SPEG: variants seen among roughly 807,000 people sequenced by gnomAD.
SPEG encodes striated muscle preferentially expressed protein kinase.
Under a neutral mutation model 300.4 loss-of-function variants are expected in SPEG, and 114 were observed. That is an observed-to-expected ratio of 0.38 (90% CI 0.33 to 0.44). SPEG has a LOEUF of 0.44. SPEG is among the 20% of genes least tolerant of loss of function. The pLI, the probability that SPEG is intolerant of heterozygous loss-of-function variation, is 1.00. For synonymous variants in SPEG, 1,964 were observed against 2,018.9 expected (o/e 0.97, Z 0.73); for missense variants, 4,201 against 4,586.2 (o/e 0.92, Z 2.43).
rs1383760930 is a variant in SPEG at position 219,468,715 on chromosome 2, G to A, written c.3280G>A (p.Val1094Ile). ...DCKISGTPPPVVTWTHFGCPM... is the reference protein window; with the variant it reads ...DCKISGTPPPIVTWTHFGCPM... ...CAAGATCAGTGGCACCCCGCCCCCT[G>A]TTGTTACCTGGACTCATTTTGGTAC... Residue 1094 changes from valine (V) to isoleucine (I), a missense_variant, in exon 11 of 41, where the codon GTT becomes ATT. Around this residue, in one of 4 missense-constraint regions of SPEG, gnomAD observed 1,047 missense variants for 1,356.8 expected, o/e 0.77. Coordinates refer to ENST00000312358, the MANE Select transcript of SPEG (RefSeq NM_005876.5). The A allele has an allele frequency of 6.2e-7, 1 of 1,614,116 alleles. No individual in the cohort carries two copies. The highest frequency in any genetic ancestry group is 8.5e-7 in the Non-Finnish European group (1 of 1,179,996).
rs561515444 is a variant in SPEG at position 219,435,155 on chromosome 2, G to T, written c.178G>T (p.Val60Leu). ...KNAAVCAGSD[V>L]RLRVVVSGTP... The stretch of plus-strand genomic sequence containing the variant: ...CGCGGCGGTGTGCGCGGGCAGCGAC[G>T]TGCGGCTGCGGGTGGTGGTGAGCGG... Residue 60 changes from valine to leucine, a missense_variant, in exon 1 of 41, where the codon GTG becomes TTG. Val to Leu is a conservative substitution (Grantham distance 32). Around this residue, in one of 4 missense-constraint regions of SPEG, gnomAD observed 1,258 missense variants for 1,293.9 expected, o/e 0.97. Transcript: ENST00000312358. The T allele has an allele frequency of 1.3e-5, 19 of 1,468,736 alleles. No homozygotes were observed. The highest frequency in any genetic ancestry group is 1.5e-5 in the Non-Finnish European group (17 of 1,119,834). The allele number at this position is 1,468,736 out of a possible 1,614,324, so 91.0% of individuals were successfully genotyped here. A position where few individuals can be genotyped will look rare whatever the true frequency, so the allele number is the denominator to read the frequency against.
At chr2:219,449,293 A>G in intron 4 of SPEG, 22 bp downstream of exon 4, 1 of 1,360,928 alleles carries the variant, frequency 7.3e-7, no homozygotes, top group Non-Finnish European at 9.5e-7. Flanking sequence ...GGGAGGGCTG[A>G]CAAGGTGCCT....
chr2:219,473,712 G>A lies in SPEG; in HGVS notation c.4272-16G>A, dbSNP rs190360673. 27 of 1,612,844 alleles carry A rather than the reference G, an allele frequency of 1.7e-5. No homozygotes were observed. The Admixed American group carries it at 2.7e-4, about 16-fold the overall frequency. ...GGGGCAAGATCTGGGTGACCTCCCT[G>A]TCATGTGTCCCCTAGCTGCCGAGGG... On this transcript the variant is annotated splice_polypyrimidine_tract_variant and intron_variant, in intron 17 of 40. Coordinates refer to ENST00000312358, the MANE Select transcript of SPEG (RefSeq NM_005876.5). This position sits in a 1 kb window ranked among gnomAD's most constrained non-coding sequence, Gnocchi z 4.6.
intron 10 of SPEG, 53 bp from the exon 11 acceptor site, chr2:219,468,525 A>G (rs1575120592): frequency 6.3e-7 from 1 of 1,582,248 alleles, no homozygotes; most frequent in Non-Finnish European, 8.6e-7. Flanking sequence ...GTGGGTTGGG[A>G]TGCCTGGGCC....
At chr2:219,446,995 T>A (rs73991554) in intron 3 of SPEG, among the ~76,000 whole-genome samples, 9,624 of 114,822 alleles carry the variant, frequency 0.084, 960 homozygotes, top group African/African-American at 0.25. Flanking sequence ...TTTTTTTGCT[T>A]ATCTTTATGT....
At position 219,451,238 on chromosome 2, in the gene SPEG, T is replaced by C; in HGVS notation, c.2216T>C (p.Val739Ala). 3 of 1,613,710 alleles carry C rather than the reference T, an allele frequency of 1.9e-6. No homozygotes were observed. The highest frequency in any genetic ancestry group is 2.5e-6 in the Non-Finnish European group (3 of 1,179,914). Reference protein sequence around the residue: ...QNVVVAPGADVLLKCIITANP... With the variant: ...QNVVVAPGADALLKCIITANP... ...GTGGTGGTGGCACCAGGGGCAGATG[T>C]GCTGCTCAAGTGTATCATCACTGCC... Residue 739 changes from valine to alanine, a missense_variant, in exon 5 of 41, where the codon GTG becomes GCG. By Grantham distance (64) the Val-to-Ala change is moderately conservative (BLOSUM62 0). Around this residue, in one of 4 missense-constraint regions of SPEG, gnomAD observed 1,258 missense variants for 1,293.9 expected, o/e 0.97. Transcript: ENST00000312358. The surrounding 1 kb of genome is among the most constrained non-coding windows in gnomAD (Gnocchi z 6.4).
rs748793646 is a variant in SPEG, at chr2:219,451,105, C to T, written c.2114-31C>T. 5 of 1,580,876 alleles carry T rather than the reference C, an allele frequency of 3.2e-6. No homozygotes were observed. The East Asian group carries it at 6.8e-5, about 21-fold the overall frequency. ...GCTGTCATCCCTGCAGGGATCATGG[C>T]CCCTTACCCCGTTATTCCTGTGTCC... On this transcript the variant is annotated intron_variant, in intron 4 of 40. Coordinates refer to ENST00000312358, the MANE Select transcript of SPEG (RefSeq NM_005876.5). This position sits in a 1 kb window ranked among gnomAD's most constrained non-coding sequence, Gnocchi z 6.4.
Position 219,434,939 on chromosome 2 carries a change from C to A in SPEG, c.-39C>A. Reference sequence around the variant, plus strand: ...CGTCCCGCGGGTGCCCCCGTGGCCGCCCAGTTCCGGCGTCCCCCCAGCCCA... The same window carrying A: ...CGTCCCGCGGGTGCCCCCGTGGCCGACCAGTTCCGGCGTCCCCCCAGCCCA... On this transcript the variant is annotated 5_prime_UTR_variant, in exon 1 of 41. Coordinates refer to ENST00000312358, the MANE Select transcript of SPEG (RefSeq NM_005876.5). 1 of 1,458,310 alleles carries A rather than the reference C, an allele frequency of 6.9e-7. No homozygotes were observed. The highest frequency in any genetic ancestry group is 9.0e-7 in the Non-Finnish European group (1 of 1,114,504). 90.3% of individuals were successfully genotyped at this position (1,458,310 alleles called of 1,614,324 possible).
At chr2:219,467,895 C>A (rs1226979745) in intron 10 of SPEG, among the ~76,000 whole-genome samples, 2 of 152,214 alleles carry the variant, frequency 1.3e-5, no homozygotes, top group Non-Finnish European at 2.9e-5. Flanking sequence ...ACTGAGCATT[C>A]CAGAAATGGG....
In SPEG at chr2:219,492,735, G is replaced by T. The variant is rs758449042; in HGVS notation, c.9753G>T (p.Glu3251Asp). The T allele has an allele frequency of 1.9e-6, 3 of 1,562,924 alleles. No individual in the cohort carries two copies. The highest frequency in any genetic ancestry group is 2.6e-6 in the Non-Finnish European group (3 of 1,158,622). The change falls in exon 41 of 41, where the codon GAG (glutamate) becomes GAT (aspartate). Residue 3251 changes from glutamate (E) to aspartate (D), a missense_variant. Glu to Asp is a conservative substitution (Grantham distance 45). Transcript: ENST00000312358. ...GCGAGCAGCGGCGGCGCCGGGCTGA[G>T]GCTGCCACCCGCCACAAGGTGCTGC... The part of the protein sequence containing the change: ...FLGEQRRRRA[E>D]AATRHKVLLR...
rs752129393 is a variant in SPEG, at chr2:219,480,642, T to C, written c.5343-29T>C. ...CCTTCCAGTCAGAGAGGGGCGGTCCTCTTACCTATCACTCTCCTTTTCCCA... is the reference window on the plus strand; with the variant it reads ...CCTTCCAGTCAGAGAGGGGCGGTCCCCTTACCTATCACTCTCCTTTTCCCA... On this transcript the variant is annotated intron_variant, in intron 25 of 40. Coordinates refer to ENST00000312358, the MANE Select transcript of SPEG (RefSeq NM_005876.5). This position sits in a 1 kb window ranked among gnomAD's most constrained non-coding sequence, Gnocchi z 5.3. 1 of 1,613,646 alleles carries C rather than the reference T, an allele frequency of 6.2e-7. No individual in the cohort carries two copies. Among genetic ancestry groups the C allele is most frequent in the Non-Finnish European group, 8.5e-7 (1 of 1,179,596 alleles).
chr2:219,467,364 C>T lies in SPEG; in HGVS notation c.3072C>T (p.Cys1024=), dbSNP rs1281764026. 5 of 1,612,508 alleles carry T rather than the reference C, an allele frequency of 3.1e-6. No individual in the cohort carries two copies. Among genetic ancestry groups the T allele is most frequent in the Non-Finnish European group, 3.4e-6 (4 of 1,179,996 alleles). ...AGATGCATTTCGATGGCCGCAAATG[C>T]AAGCTGCTACTTACATCTGTACATG... The part of the protein sequence containing the change: ...KCKMHFDGRK[C]KLLLTSVHED... The change falls in exon 10 of 41, where the codon TGC becomes TGT. Residue 1024 remains cysteine, a synonymous_variant. Coordinates refer to ENST00000312358, the MANE Select transcript of SPEG (RefSeq NM_005876.5).
chr2:219,457,492 G>A (rs2125358946), intron 6 of SPEG, among the ~76,000 whole-genome samples: 1 of 152,352 alleles, frequency 6.6e-6, no homozygotes, highest in Middle Eastern at 3.4e-3. Context: ...GCCGAGCCAG[G>A]AGAATCGCTT....
rs779975411 is a variant in SPEG, at chr2:219,483,340, C to T, written c.5877C>T (p.Ala1959=). 1.9e-6 allele frequency: 3 copies of T among 1,605,142 alleles called. No individual in the cohort carries two copies. The highest frequency in any genetic ancestry group is 1.7e-5 in the Admixed American group (1 of 59,010). The change falls in exon 30 of 41, where the codon GCC becomes GCT. Residue 1959 remains alanine (A), a synonymous_variant. Coordinates refer to ENST00000312358, the MANE Select transcript of SPEG (RefSeq NM_005876.5). Reference sequence around the variant, plus strand: ...CAGACATTCCCACTGAGGATGAGGCCCTGGGGACCCCAGAGACTGGGGCTG... The same window carrying T: ...CAGACATTCCCACTGAGGATGAGGCTCTGGGGACCCCAGAGACTGGGGCTG... ...SLTDIPTEDE[A]LGTPETGAAT... is the part of the protein sequence containing the mutation.
Position 219,473,773 on chromosome 2 carries a change from G to A in SPEG, c.4317G>A (p.Leu1439=), listed in dbSNP as rs1692100521. Residue 1439 remains leucine (L), a synonymous_variant, in exon 18 of 41, where the codon CTG becomes CTA. Coordinates refer to ENST00000312358, the MANE Select transcript of SPEG (RefSeq NM_005876.5). This position sits in a 1 kb window ranked among gnomAD's most constrained non-coding sequence, Gnocchi z 4.6. ...LLEARAGVYE[L]SQPDDDQYCL... ...AGGCACGGGCCGGTGTGTACGAGCT[G>A]AGCCAGCCAGATGATGACCAGTACT... 1 of 1,614,060 alleles carries A rather than the reference G, an allele frequency of 6.2e-7. No homozygotes were observed. The highest frequency in any genetic ancestry group is 8.5e-7 in the Non-Finnish European group (1 of 1,180,042).
chr2:219,492,633 G>A lies in SPEG; in HGVS notation c.9651G>A (p.Trp3217Ter). The change falls in exon 41 of 41, where the codon TGG (tryptophan) becomes TGA (stop). Residue 3217 changes from tryptophan to a stop codon, truncating the protein, a stop_gained. Coordinates refer to ENST00000312358, the MANE Select transcript of SPEG (RefSeq NM_005876.5). LOFTEE classifies it high-confidence loss of function. Reference sequence around the variant, plus strand: ...TGCAGGACTGCCTGGCCCACCCATGGTTGCAGGACGCCTACCTGATGAAGC... The same window carrying A: ...TGCAGGACTGCCTGGCCCACCCATGATTGCAGGACGCCTACCTGATGAAGC... ...PSLQDCLAHP[W>*]LQDAYLMKLR... The A allele has an allele frequency of 6.2e-7, 1 of 1,611,206 alleles. No individual in the cohort carries two copies. The highest frequency in any genetic ancestry group is 8.5e-7 in the Non-Finnish European group (1 of 1,180,010).
Position 219,462,381 on chromosome 2 carries a change from C to T in SPEG, c.2700C>T (p.Val900=), listed in dbSNP as rs781782208. ...IRVQGEPKPV[V]SWLRNRQPVR... is the part of the protein sequence containing the mutation. The stretch of plus-strand genomic sequence containing the variant: ...TGCAGGGGGAGCCCAAGCCTGTGGT[C>T]TCCTGGTGAGTAGCCGCACTTTCCA... Residue 900 remains valine (V), a synonymous_variant, in exon 8 of 41, where the codon GTC becomes GTT. Coordinates refer to ENST00000312358, the MANE Select transcript of SPEG (RefSeq NM_005876.5). 1.3e-6 allele frequency: 2 copies of T among 1,557,278 alleles called. No homozygotes were observed. Among genetic ancestry groups the T allele is most frequent in the East Asian group, 2.4e-5 (1 of 41,422 alleles).
Position 219,444,540 on chromosome 2 carries a change from G to T in SPEG, c.389-113G>T. The T allele has an allele frequency of 1.1e-6, 1 of 871,880 alleles. No homozygotes were observed. The highest frequency in any genetic ancestry group is 1.9e-6 in the Non-Finnish European group (1 of 534,620). The allele number at this position is 871,880 out of a possible 1,614,324, so 54.0% of individuals were successfully genotyped here. A position where few individuals can be genotyped will look rare whatever the true frequency, so the allele number is the denominator to read the frequency against. ...GAGCAAAAGAGAGGAGGTGCTGGCA[G>T]CCCTGCCAGTGATAAGATGGAGCCT... On this transcript the variant is annotated intron_variant, in intron 1 of 40. Transcript: ENST00000312358. This position sits in a 1 kb window ranked among gnomAD's most constrained non-coding sequence, Gnocchi z 7.8.
Position 219,448,754 on chromosome 2 carries a change from G to C in SPEG, c.1596G>C (p.Glu532Asp). 2 of 1,466,598 alleles carry C rather than the reference G, an allele frequency of 1.4e-6. No individual in the cohort carries two copies. Among genetic ancestry groups the C allele is most frequent in the Non-Finnish European group, 1.8e-6 (2 of 1,115,812 alleles). 90.8% of individuals were successfully genotyped at this position (1,466,598 alleles called of 1,614,324 possible). The stretch of plus-strand genomic sequence containing the variant: ...CCCCATCCCCTCGAGAGCCCGGCGA[G>C]CCCCCGCTCTTCTCTCGGCCCTCCA... The part of the protein sequence containing the change: ...QRAPSPREPG[E>D]PPLFSRPSTP... Residue 532 changes from glutamate (E) to aspartate (D), a missense_variant, in exon 4 of 41, where the codon GAG (glutamate) becomes GAC (aspartate). Glu to Asp is a conservative substitution (Grantham distance 45, BLOSUM62 2). Around this residue, in one of 4 missense-constraint regions of SPEG, gnomAD observed 1,258 missense variants for 1,293.9 expected, o/e 0.97. Transcript: ENST00000312358.
Sources: gnomAD v4.1 joint callset for allele counts (sites outside exome capture counted in the v4.1 genomes callset) on GRCh38, gnomAD v4.1.1 for gene constraint, gnomAD v4.1.1 regional missense constraint, Gnocchi (gnomAD v3.1) non-coding constraint, MANE v1.5 for transcripts, NCBI Gene and HGNC (gene_info 2026-07-23, HGNC 2026-07-21) for gene names.